The following CCDC171 variants were observed in gnomAD, a reference collection of about 807,000 sequenced individuals.
CCDC171 encodes coiled-coil domain-containing protein 171.
In CCDC171, 177 loss-of-function variants were observed where a neutral mutation model predicts 168.2. The ratio of observed to expected loss-of-function variants is 1.05; its 90% CI spans 0.93 to 1.19. The LOEUF (loss-of-function observed/expected upper bound fraction) is 1.19. CCDC171 is among the 50% of genes most tolerant of loss of function. CCDC171 has a pLI of 0.00. For missense variants in CCDC171, 1,991 were observed against 1,539.0 expected (o/e 1.29, Z -4.91); for synonymous variants, 687 against 540.8 (o/e 1.27, Z -3.75).
chr9:16,071,574 A>G, the CCDC171 span, among the ~76,000 whole-genome samples: 2,524 of 152,282 alleles, frequency 0.017, 60 homozygotes, highest in African/African-American at 0.056. Flanking sequence ...ACATTCCCAC[A>G]TGTGCGTCAT....
intron 22 of CCDC171, among the ~76,000 whole-genome samples, chr9:15,848,377 A>T (rs953503515): frequency 6.6e-6 from 1 of 151,952 alleles, no homozygotes; most frequent in Non-Finnish European, 1.5e-5. Flanking sequence ...GTAACTTTGC[A>T]TATTCCTAGA....
intron 18 of CCDC171, among the ~76,000 whole-genome samples, chr9:15,766,913 T>G (rs2056754696): frequency 6.6e-6 from 1 of 152,160 alleles, no homozygotes; most frequent in Non-Finnish European, 1.5e-5. Context: ...CCTTTTGCCT[T>G]GGCCTCACAA....
chr9:15,666,263 T>C lies in CCDC171; in HGVS notation c.1016T>C (p.Val339Ala). The C allele has an allele frequency of 6.2e-7, 1 of 1,613,876 alleles. No homozygotes were observed. Among genetic ancestry groups the C allele is most frequent in the South Asian group, 1.1e-5 (1 of 91,078 alleles). The change falls in exon 9 of 26, where the codon GTT becomes GCT. Residue 339 changes from valine (V) to alanine (A), a missense_variant. Transcript: ENST00000380701. Reference sequence around the variant, plus strand: ...ATTATCAAGAATGAATTCAAAGAAGTTGAAAGTGCATATGAGCGAGAAAAG... The same window carrying C: ...ATTATCAAGAATGAATTCAAAGAAGCTGAAAGTGCATATGAGCGAGAAAAG... ...LEIIKNEFKEVESAYEREKHN... is the reference protein window; with the variant it reads ...LEIIKNEFKEAESAYEREKHN...
chr9:15,703,307 G>T (rs534338521), intron 11 of CCDC171, among the ~76,000 whole-genome samples: 12 of 152,296 alleles, frequency 7.9e-5, no homozygotes, highest in African/African-American at 2.9e-4. Flanking sequence ...AAGGCTGGTT[G>T]TCTTTCTTAT....
At chr9:15,699,279 G>T (rs10738403) in intron 11 of CCDC171, among the ~76,000 whole-genome samples, 73,039 of 151,680 alleles carry the variant, frequency 0.48, 18,003 homozygotes, top group East Asian at 0.77. Flanking sequence ...GGGCTCGTGG[G>T]CTCGCTGGCT....
intron 23 of CCDC171, among the ~76,000 whole-genome samples, chr9:15,861,784 C>A (rs919783336): frequency 6.6e-6 from 1 of 151,822 alleles, no homozygotes; most frequent in Non-Finnish European, 1.5e-5. Context: ...ATTTACCCAC[C>A]ACCATTAGAG....
At chr9:15,992,630 A>C (rs1375984264) in intron 3 of CCDC171, among the ~76,000 whole-genome samples, 1 of 152,216 alleles carries the variant, frequency 6.6e-6, no homozygotes, top group Non-Finnish European at 1.5e-5. Context: ...AGGGTATTCA[A>C]CTACGAAAAG....
At chr9:15,661,571 A>G (rs1475658765) in intron 8 of CCDC171, among the ~76,000 whole-genome samples, 3 of 152,230 alleles carry the variant, frequency 2.0e-5, no homozygotes, top group African/African-American at 7.2e-5. Context: ...TCAATGAGGT[A>G]CATCTACTAC....
At chr9:15,876,675 T>C (rs891030384) in intron 24 of CCDC171, among the ~76,000 whole-genome samples, 2 of 152,200 alleles carry the variant, frequency 1.3e-5, no homozygotes, top group African/African-American at 4.8e-5. Context: ...ATGTATGATA[T>C]AGATCATAGT....
At chr9:15,896,074 T>C (rs1820855298) in intron 24 of CCDC171, among the ~76,000 whole-genome samples, 1 of 152,134 alleles carries the variant, frequency 6.6e-6, no homozygotes, top group Non-Finnish European at 1.5e-5. Flanking sequence ...GTTGGTTTTT[T>C]TCTATGTAAT....
intron 22 of CCDC171, among the ~76,000 whole-genome samples, 177 bp downstream of exon 22, chr9:15,847,024 A>G (rs1480737928): frequency 6.6e-6 from 1 of 152,164 alleles, no homozygotes; most frequent in Admixed American, 6.6e-5. Flanking sequence ...TACTAAATGT[A>G]TATTTTATTG....
chr9:15,705,477 A>G (rs756314438), intron 11 of CCDC171, among the ~76,000 whole-genome samples: 6 of 152,258 alleles, frequency 3.9e-5, no homozygotes, highest in South Asian at 4.1e-4. Context: ...TTTCTTGAAT[A>G]TGCCAAGCAT....
rs773643166 is a variant in CCDC171 at position 15,779,064 on chromosome 9, G to A, written c.2995G>A (p.Glu999Lys). ...CCGCTCACTACGCTTAGAGGTCACAGAATTCAAACGAAGTGTGAATGAAAT... is the reference window on the plus strand; with the variant it reads ...CCGCTCACTACGCTTAGAGGTCACAAAATTCAAACGAAGTGTGAATGAAAT... Reference protein sequence around the residue: ...ERRSLRLEVTEFKRSVNEMKK... With the variant: ...ERRSLRLEVTKFKRSVNEMKK... The change falls in exon 20 of 26, where the codon GAA becomes AAA. Residue 999 changes from glutamate (E) to lysine (K), a missense_variant. Transcript: ENST00000380701. The A allele has an allele frequency of 6.2e-7, 1 of 1,605,376 alleles. No individual in the cohort carries two copies. The highest frequency in any genetic ancestry group is 1.1e-5 in the South Asian group (1 of 88,332).
intron 6 of CCDC171, among the ~76,000 whole-genome samples, chr9:15,599,225 T>G (rs2042634381): frequency 6.6e-6 from 1 of 152,222 alleles, no homozygotes; most frequent in Non-Finnish European, 1.5e-5. Flanking sequence ...CATTAGTTGA[T>G]GCAGTTTCTT....
intron 24 of CCDC171, 53 bp from the exon 25 acceptor site, chr9:15,920,217 C>A: frequency 8.7e-7 from 1 of 1,154,392 alleles, no homozygotes; most frequent in Non-Finnish European, 1.2e-6. Context: ...GGAAATTCTC[C>A]TTTGGGGACA....
Position 15,772,621 on chromosome 9 carries a change from A to G in CCDC171, c.2672-4979A>G, listed in dbSNP as rs940765889. Among the ~76,000 whole-genome samples, 4 of 152,260 alleles carry G rather than the reference A, an allele frequency of 2.6e-5. No homozygotes were observed. The East Asian group carries it at 7.7e-4, about 29-fold the overall frequency. ...TAGTGAAAGATGTTCCTGTGAAAGT[A>G]AGTAGGGACCAGATGTGTAGGACTT... On this transcript the variant is annotated intron_variant, in intron 18 of 25. Transcript: ENST00000380701.
Position 15,906,437 on chromosome 9 carries a change from A to T in CCDC171, c.3601-13833A>T, listed in dbSNP as rs139756795. The stretch of plus-strand genomic sequence containing the variant: ...CAACAAAATCCATATGATTATCTCA[A>T]TAGATGCAGAAAAGGCCTTTGACAA... On this transcript the variant is annotated intron_variant, in intron 24 of 25. Coordinates refer to ENST00000380701, the MANE Select transcript of CCDC171 (RefSeq NM_173550.4). 6.6e-3 allele frequency among the ~76,000 whole-genome samples: 1,008 copies of T among 152,350 alleles called. 6 individuals carry two copies. The highest frequency in any genetic ancestry group is 0.023 in the African/African-American group (953 of 41,568).
chr9:15,792,963 A>G (rs1489114006), intron 21 of CCDC171, among the ~76,000 whole-genome samples: 1 of 152,234 alleles, frequency 6.6e-6, no homozygotes, highest in Non-Finnish European at 1.5e-5. Flanking sequence ...GAACAAATTC[A>G]CACATAACAA....
chr9:15,710,162 ATTTC>A (rs1438005109), intron 11 of CCDC171, among the ~76,000 whole-genome samples: 2 of 152,200 alleles, frequency 1.3e-5, no homozygotes, highest in African/African-American at 4.8e-5. Context: ...AAAGTTAAAA[ATTTC>A]TTAGTGTCAT....
Sources: gnomAD v4.1 joint callset for allele counts (sites outside exome capture counted in the v4.1 genomes callset) on GRCh38, gnomAD v4.1.1 for gene constraint, MANE v1.5 for transcripts, NCBI Gene and HGNC (gene_info 2026-07-23, HGNC 2026-07-21) for gene names.